Variants in CCDC39 observed in about 807,000 individuals in gnomAD.
CCDC39 encodes coiled-coil domain 39 molecular ruler complex subunit, also known as coiled-coil domain-containing protein 39.
Under a neutral mutation model 121.0 loss-of-function variants are expected in CCDC39, and 113 were observed. The ratio of observed to expected loss-of-function variants is 0.93; its 90% confidence interval spans 0.80 to 1.09. CCDC39 has a LOEUF of 1.09. Among genes scored for constraint, CCDC39 ranks in the 50% least tolerant of loss-of-function variants. The pLI is 0.00. For missense variants in CCDC39, 1,063 were observed against 1,074.7 expected, an observed-to-expected ratio of 0.99 and a Z score of 0.15; for synonymous variants, 349 against 352.2, an observed-to-expected ratio of 0.99 and a Z score of 0.10.
rs796933230 is a variant in CCDC39 at position 180,629,490 on chromosome 3, A to T, written c.1998+1979T>A. Among the ~76,000 whole-genome samples the T allele has an allele frequency of 1.3e-4, 20 of 152,328 alleles. 2 individuals carry two copies. Among genetic ancestry groups the T allele is most frequent in the African/African-American group, 4.8e-4 (20 of 41,574 alleles). On this transcript the variant is annotated intron_variant, in intron 14 of 19. Coordinates refer to ENST00000476379, the MANE Select transcript of CCDC39 (RefSeq NM_181426.2). ...GGTCTGCACTCCTATAGAATCAGAT[A>T]ATACCTGGAGGGCCCACTAGAAAAT...
rs1360650472 is a variant in CCDC39, at chr3:180,677,143, T to TATAATA, written c.90+2142_90+2147dup. 1.8e-5 allele frequency among the ~76,000 whole-genome samples: 2 copies of TATAATA among 110,174 alleles called. 1 individual carries two copies. The highest frequency in any genetic ancestry group is 3.5e-5 in the Non-Finnish European group (2 of 56,724). The allele number at this position is 110,174 out of a possible 152,430, so 72.3% of individuals were successfully genotyped here. On this transcript the variant is annotated intron_variant, in intron 1 of 19. Transcript: ENST00000476379. ...ACATGTACCCTAAAACTTAAAGTAT[T>TATAATA]ATAATAATAATAATAATAATAATTT...
intron 16 of CCDC39, 118 bp downstream of exon 16, chr3:180,619,140 TC>T: frequency 3.1e-6 from 2 of 650,486 alleles, no homozygotes; most frequent in Non-Finnish European, 5.5e-6. Context: ...ACTATCTACT[TC>T]CCTAAAAGAG....
In CCDC39 at chr3:180,659,598, A is replaced by G; in HGVS notation, c.610-18T>C. 6.2e-7 allele frequency: 1 copy of G among 1,608,586 alleles called. No individual in the cohort carries two copies. The highest frequency in any genetic ancestry group is 8.5e-7 in the Non-Finnish European group (1 of 1,177,382). On this transcript the variant is annotated intron_variant, in intron 5 of 19. Coordinates refer to ENST00000476379, the MANE Select transcript of CCDC39 (RefSeq NM_181426.2). ...AATTCTAACTGTCAAACAGAGAGCA[A>G]AGAACATTTCTGTGAATTTAAGTGG...
Position 180,659,696 on chromosome 3 carries a change from G to GT in CCDC39, c.589dup (p.Thr197AsnfsTer12), listed in dbSNP as rs750976856. On this transcript the variant is annotated frameshift_variant, in exon 5 of 20. Coordinates refer to ENST00000476379, the MANE Select transcript of CCDC39 (RefSeq NM_181426.2). LOFTEE classifies it high-confidence loss of function. The stretch of plus-strand genomic sequence containing the variant: ...ACTAACCTGTGCGCTTATAGTCTCT[G>GT]TAAGTTCGTTGTCAAGTATCTTTCT... The GT allele has an allele frequency of 6.2e-7, 1 of 1,611,784 alleles. No homozygotes were observed. The highest frequency in any genetic ancestry group is 1.1e-5 in the South Asian group (1 of 90,560).
At chr3:180,668,607 T>G (rs1366169645) in intron 1 of CCDC39, among the ~76,000 whole-genome samples, 1 of 152,216 alleles carries the variant, frequency 6.6e-6, no homozygotes, top group East Asian at 1.9e-4. Flanking sequence ...TTTTCACATT[T>G]AGTAATTACC....
chr3:180,626,737 G>A (rs958426650), intron 14 of CCDC39, among the ~76,000 whole-genome samples: 1 of 152,002 alleles, frequency 6.6e-6, no homozygotes, highest in Non-Finnish European at 1.5e-5. Context: ...TGGGTAACAA[G>A]TTGTGAGGAG....
At chr3:180,663,460 G>A (rs1012255639) in intron 2 of CCDC39, among the ~76,000 whole-genome samples, 1 of 151,966 alleles carries the variant, frequency 6.6e-6, no homozygotes, top group African/African-American at 2.4e-5. Context: ...ATCACCTGAG[G>A]TCAGGAGTTC....
chr3:180,628,409 A>G (rs977982090), intron 14 of CCDC39, among the ~76,000 whole-genome samples: 5 of 152,070 alleles, frequency 3.3e-5, no homozygotes, highest in African/African-American at 4.8e-5. Context: ...GGGTTTCACC[A>G]TGTTAGCCAG....
Position 180,647,197 on chromosome 3 carries a change from C to T in CCDC39, c.1409G>A (p.Gly470Glu). 1 of 1,610,838 alleles carries T rather than the reference C, an allele frequency of 6.2e-7. No homozygotes were observed. Among genetic ancestry groups the T allele is most frequent in the South Asian group, 1.1e-5 (1 of 90,566 alleles). Reference protein sequence around the residue: ...QVERRMSRLKGEINSEEKQAL... With the variant: ...QVERRMSRLKEEINSEEKQAL... The stretch of plus-strand genomic sequence containing the variant: ...TTGTTTTTCTTCTGAATTAATTTCT[C>T]CCTTTAACCGTGACATTCTCCGTTC... Residue 470 changes from glycine (G) to glutamate (E), a missense_variant, in exon 11 of 20, where the codon GGA (glycine) becomes GAA (glutamate). By Grantham distance (98) the Gly-to-Glu change is moderately conservative. Transcript: ENST00000476379.
intron 1 of CCDC39, among the ~76,000 whole-genome samples, chr3:180,676,085 C>T (rs1347917660): frequency 6.6e-6 from 1 of 152,114 alleles, no homozygotes; most frequent in Non-Finnish European, 1.5e-5. Context: ...TAGGCATGGG[C>T]AAGGACTTCA....
chr3:180,648,428 T>C, intron 9 of CCDC39, 69 bp from the exon 10 acceptor site: 1 of 1,090,904 alleles, frequency 9.2e-7, no homozygotes, highest in Admixed American at 2.6e-5. Flanking sequence ...ATGAACATAA[T>C]AATTTAGAAA....
chr3:180,631,736 TA>T lies in CCDC39; in HGVS notation c.1875-145del, dbSNP rs1391050340. On this transcript the variant is annotated intron_variant, in intron 13 of 19. Coordinates refer to ENST00000476379, the MANE Select transcript of CCDC39 (RefSeq NM_181426.2). ...AATTTGTTCTCACGTTTTAATTTAA[TA>T]AAAAGACTATCAGGTGTTCTTATTG... 4.4e-6 allele frequency: 3 copies of T among 679,148 alleles called. No homozygotes were observed. In the African/African-American group the frequency reaches 5.5e-5, roughly 12 times the overall value. The allele number at this position is 679,148 out of a possible 1,614,324, so 42.1% of individuals were successfully genotyped here.
chr3:180,635,962 A>G (rs1482895024), intron 13 of CCDC39, among the ~76,000 whole-genome samples: 3 of 152,228 alleles, frequency 2.0e-5, no homozygotes, highest in Non-Finnish European at 4.4e-5. Flanking sequence ...CCTCAAAATA[A>G]TAAAAGCCAT....
chr3:180,625,604 A>T (rs1717541171), intron 14 of CCDC39, among the ~76,000 whole-genome samples: 1 of 152,076 alleles, frequency 6.6e-6, no homozygotes, highest in African/African-American at 2.4e-5. Context: ...TGCATATCTC[A>T]TGTAACAGTT....
At chr3:180,674,777 A>G (rs929144457) in intron 1 of CCDC39, among the ~76,000 whole-genome samples, 1 of 152,178 alleles carries the variant, frequency 6.6e-6, no homozygotes, top group Non-Finnish European at 1.5e-5. Context: ...ATGCTGGATT[A>G]CGTTTATTGA....
intron 6 of CCDC39, among the ~76,000 whole-genome samples, chr3:180,657,603 T>A (rs1331297752): frequency 6.6e-6 from 1 of 152,194 alleles, no homozygotes; most frequent in Non-Finnish European, 1.5e-5. Flanking sequence ...TACAGCTTGC[T>A]ATTGCCACAA....
chr3:180,679,398 G>A lies in CCDC39; in HGVS notation c.-18C>T. 2 of 1,608,564 alleles carry A rather than the reference G, an allele frequency of 1.2e-6. No individual in the cohort carries two copies. Among genetic ancestry groups the A allele is most frequent in the Non-Finnish European group, 1.7e-6 (2 of 1,175,016 alleles). On this transcript the variant is annotated 5_prime_UTR_variant, in exon 1 of 20. Transcript: ENST00000476379. This position sits in a 1 kb window ranked among gnomAD's most constrained non-coding sequence, Gnocchi z 4.0. Reference sequence around the variant, plus strand: ...CTACTCATGACTGCAAACGGATAGAGAAGATACAGAGCAAAGATCCGCCTT... The same window carrying A: ...CTACTCATGACTGCAAACGGATAGAAAAGATACAGAGCAAAGATCCGCCTT...
At chr3:180,678,948 T>A (rs1488641269) in intron 1 of CCDC39, among the ~76,000 whole-genome samples, 1 of 152,078 alleles carries the variant, frequency 6.6e-6, no homozygotes, top group African/African-American at 2.4e-5. Flanking sequence ...TCCAAGTAGC[T>A]CTTTAATTTT....
intron 1 of CCDC39, among the ~76,000 whole-genome samples, chr3:180,666,804 C>A (rs548105629): frequency 6.6e-6 from 1 of 151,910 alleles, no homozygotes; most frequent in African/African-American, 2.4e-5. Context: ...CCAAAATAAG[C>A]AAAGAAGATC....
Sources: gnomAD v4.1 joint callset for allele counts (sites outside exome capture counted in the v4.1 genomes callset) on GRCh38, gnomAD v4.1.1 for gene constraint, Gnocchi (gnomAD v3.1) non-coding constraint, MANE v1.5 for transcripts, NCBI Gene and HGNC (gene_info 2026-07-23, HGNC 2026-07-21) for gene names.